Variants in MSI2 observed in about 807,000 individuals in gnomAD.
MSI2 encodes RNA-binding protein Musashi homolog 2.
A neutral mutation model predicts 45.6 loss-of-function variants in MSI2; 17 were observed. That is an observed-to-expected ratio of 0.37 (90% CI 0.26 to 0.56). The LOEUF (loss-of-function observed/expected upper bound fraction) is 0.56, where lower values mean the gene tolerates loss of function less well. Among genes scored for constraint, MSI2 ranks in the 20% least tolerant of loss-of-function variants. The pLI is 0.77. For missense variants in MSI2, 293 were observed against 444.2 expected (o/e 0.66, Z 3.06); for synonymous variants, 156 against 158.2 (o/e 0.99, Z 0.11).
the MSI2 span, among the ~76,000 whole-genome samples, chr17:57,691,021 T>C: frequency 6.6e-6 from 1 of 152,222 alleles, no homozygotes; most frequent in African/African-American, 2.4e-5. Flanking sequence ...ATTCCACATA[T>C]TGAAATCCAG....
At chr17:57,604,021 C>A (rs1037540402) in intron 8 of MSI2, among the ~76,000 whole-genome samples, 3 of 152,360 alleles carry the variant, frequency 2.0e-5, no homozygotes, top group South Asian at 4.1e-4. Flanking sequence ...TTTGGGGGAG[C>A]CCCCAGGTGG....
At chr17:57,565,685 C>T (rs1446835761) in intron 7 of MSI2, among the ~76,000 whole-genome samples, 3 of 152,124 alleles carry the variant, frequency 2.0e-5, no homozygotes, top group African/African-American at 4.8e-5. Flanking sequence ...CCATGCCTGG[C>T]ACATCAGCCA....
At chr17:57,558,708 A>T (rs1446267288) in intron 7 of MSI2, among the ~76,000 whole-genome samples, 1 of 152,212 alleles carries the variant, frequency 6.6e-6, no homozygotes, top group Non-Finnish European at 1.5e-5. Context: ...CTGTCTCTTC[A>T]TGGAGTTCCT....
At chr17:57,666,684 C>T (rs933074642) in intron 11 of MSI2, among the ~76,000 whole-genome samples, 5 of 152,204 alleles carry the variant, frequency 3.3e-5, no homozygotes, top group African/African-American at 9.7e-5. Context: ...ACTGGGCCTG[C>T]AGTGAGTGCA....
At chr17:57,534,689 T>G (rs1433488723) in intron 7 of MSI2, among the ~76,000 whole-genome samples, 1 of 152,196 alleles carries the variant, frequency 6.6e-6, no homozygotes, top group African/African-American at 2.4e-5. Context: ...CACTCCAGCC[T>G]GGGCAACAAG....
intron 6 of MSI2, 38 bp downstream of exon 6, chr17:57,401,509 G>A (rs745333897): frequency 6.5e-7 from 1 of 1,546,310 alleles, no homozygotes; most frequent in Non-Finnish European, 8.9e-7. Context: ...CATGCCAGAA[G>A]TAGCCTCATC....
intron 5 of MSI2, among the ~76,000 whole-genome samples, chr17:57,302,016 A>G (rs1386128623): frequency 6.6e-6 from 1 of 151,952 alleles, no homozygotes; most frequent in Non-Finnish European, 1.5e-5. Context: ...GACTTAAAAC[A>G]TTTTTTCCAA....
intron 6 of MSI2, among the ~76,000 whole-genome samples, chr17:57,492,075 G>A (rs533906023): frequency 1.1e-4 from 16 of 152,184 alleles, no homozygotes; most frequent in Non-Finnish European, 1.6e-4. Context: ...TGGAGTTCAC[G>A]TATTAACAAA....
At chr17:57,339,547 T>C (rs114504202) in intron 5 of MSI2, among the ~76,000 whole-genome samples, 2,416 of 152,290 alleles carry the variant, frequency 0.016, 71 homozygotes, top group African/African-American at 0.055. Flanking sequence ...GATGATGGTC[T>C]GTGTGCAAGG....
At chr17:57,377,182 A>C (rs1334773878) in intron 5 of MSI2, among the ~76,000 whole-genome samples, 1 of 152,152 alleles carries the variant, frequency 6.6e-6, no homozygotes, top group Non-Finnish European at 1.5e-5. Context: ...GGCCTCCCAA[A>C]GTGCTGGGAC....
intron 5 of MSI2, among the ~76,000 whole-genome samples, chr17:57,334,661 G>A (rs1281897027): frequency 1.3e-5 from 2 of 152,130 alleles, no homozygotes; most frequent in African/African-American, 4.8e-5. Flanking sequence ...GGGCATGGTG[G>A]TGGATGCCTG....
chr17:57,307,966 C>A (rs941932505), intron 5 of MSI2, among the ~76,000 whole-genome samples: 21 of 152,336 alleles, frequency 1.4e-4, no homozygotes, highest in African/African-American at 4.8e-4. Context: ...ATTCCAAGTG[C>A]CTTCCATAGA....
chr17:57,361,548 A>C (rs555123061), intron 5 of MSI2, among the ~76,000 whole-genome samples: 19 of 151,690 alleles, frequency 1.3e-4, no homozygotes, highest in African/African-American at 4.6e-4. Flanking sequence ...CAGAGGTTAC[A>C]TTGAGGCAAG....
intron 7 of MSI2, among the ~76,000 whole-genome samples, chr17:57,571,262 G>A (rs148435668): frequency 8.9e-4 from 135 of 152,270 alleles, no homozygotes; most frequent in African/African-American, 2.6e-3. Context: ...TTGAAGAGGA[G>A]GGGCAGGCCG....
chr17:57,698,521 G>A, the MSI2 span, among the ~76,000 whole-genome samples: 11 of 152,278 alleles, frequency 7.2e-5, no homozygotes, highest in East Asian at 9.7e-4. Flanking sequence ...TAGCAGGCCC[G>A]TTTTTCCTTT....
intron 6 of MSI2, among the ~76,000 whole-genome samples, chr17:57,506,579 T>G (rs1379995002): frequency 6.6e-6 from 1 of 152,178 alleles, no homozygotes; most frequent in Non-Finnish European, 1.5e-5. Flanking sequence ...AACAGCCATT[T>G]TGTCTTGGCA....
At chr17:57,305,379 A>C (rs1911793102) in intron 5 of MSI2, among the ~76,000 whole-genome samples, 1 of 152,266 alleles carries the variant, frequency 6.6e-6, no homozygotes, top group African/African-American at 2.4e-5. Context: ...TTTCCTTAGT[A>C]ACACACACTC....
At chr17:57,380,875 C>A (rs1443312172) in intron 5 of MSI2, among the ~76,000 whole-genome samples, 1 of 152,124 alleles carries the variant, frequency 6.6e-6, no homozygotes, top group African/African-American at 2.4e-5. Context: ...ATCGAGTTAT[C>A]CTTCTGGCTT....
intron 8 of MSI2, among the ~76,000 whole-genome samples, chr17:57,597,434 G>A (rs892104110): frequency 3.5e-5 from 5 of 143,654 alleles, no homozygotes; most frequent in Non-Finnish European, 7.5e-5. Context: ...AGTTCGAGAC[G>A]AGCCTGGGAA....
Sources: allele counts gnomAD v4.1 joint callset (sites outside exome capture counted in the v4.1 genomes callset), GRCh38; gene constraint gnomAD v4.1.1; transcripts MANE v1.5; gene names NCBI Gene and HGNC (gene_info 2026-07-23, HGNC 2026-07-21).